The following OXR1 variants were observed in gnomAD, a reference collection of about 807,000 sequenced individuals.
OXR1 encodes the protein oxidation resistance protein 1.
In OXR1, 41 loss-of-function variants were observed where a neutral mutation model predicts 104.6. The ratio of observed to expected loss-of-function variants is 0.39; its 90% CI spans 0.31 to 0.51. OXR1 has a LOEUF of 0.51. OXR1 is among the 20% of genes least tolerant of loss of function. OXR1 has a pLI of 0.77. For missense variants in OXR1, 955 were observed against 1,031.9 expected (o/e 0.93, Z 1.02); for synonymous variants, 348 against 348.4 (o/e 1.00, Z 0.01).
At chr8:106,372,861 A>T (rs1816764797) in intron 2 of OXR1, among the ~76,000 whole-genome samples, 1 of 152,238 alleles carries the variant, frequency 6.6e-6, no homozygotes, top group Non-Finnish European at 1.5e-5. Flanking sequence ...TCATCTATAG[A>T]AACATTTTAC....
At chr8:106,470,462 A>G (rs1821426874) in intron 2 of OXR1, among the ~76,000 whole-genome samples, 1 of 151,758 alleles carries the variant, frequency 6.6e-6, no homozygotes, top group African/African-American at 2.4e-5. Flanking sequence ...TGGACTTGCC[A>G]CCAACCAAGA....
chr8:106,332,476 G>A (rs1814760470), intron 1 of OXR1, among the ~76,000 whole-genome samples: 1 of 152,140 alleles, frequency 6.6e-6, no homozygotes, highest in South Asian at 2.1e-4. Flanking sequence ...CTGATTATAG[G>A]TGAAACTAAG....
intron 7 of OXR1, among the ~76,000 whole-genome samples, chr8:106,696,897 C>T (rs1373186743): frequency 1.3e-5 from 2 of 152,162 alleles, no homozygotes; most frequent in Admixed American, 6.5e-5. Context: ...GGGAAGGCTG[C>T]CCCAGATGTG....
chr8:106,387,654 A>T (rs1472953971), intron 2 of OXR1, among the ~76,000 whole-genome samples: 3 of 152,240 alleles, frequency 2.0e-5, no homozygotes, highest in Non-Finnish European at 4.4e-5. Context: ...GGAAAATTTT[A>T]AAAATACAAA....
chr8:106,750,536 G>A (rs1422676302), intron 16 of OXR1, among the ~76,000 whole-genome samples: 1 of 151,540 alleles, frequency 6.6e-6, no homozygotes, highest in Non-Finnish European at 1.5e-5. Context: ...CTCCATGTTG[G>A]TCAGGCTGGT....
chr8:106,501,964 G>T (rs1212973258), intron 2 of OXR1, among the ~76,000 whole-genome samples: 1 of 152,114 alleles, frequency 6.6e-6, no homozygotes, highest in Non-Finnish European at 1.5e-5. Flanking sequence ...ATAGTACTTT[G>T]GGGTTAAGCT....
At chr8:106,651,741 TG>T (rs763491595) in intron 3 of OXR1, among the ~76,000 whole-genome samples, 9 of 152,146 alleles carry the variant, frequency 5.9e-5, no homozygotes, top group Non-Finnish European at 1.3e-4. Context: ...GTTGGTTCTT[TG>T]GGGTTCCTTG....
intron 1 of OXR1, among the ~76,000 whole-genome samples, chr8:106,322,623 T>C (rs1333691754): frequency 6.6e-6 from 1 of 152,172 alleles, no homozygotes; most frequent in African/African-American, 2.4e-5. Context: ...CATGATTCTA[T>C]ATCTAGAAAA....
chr8:106,466,788 C>A (rs1004259175), intron 2 of OXR1, among the ~76,000 whole-genome samples: 4 of 151,888 alleles, frequency 2.6e-5, no homozygotes, highest in South Asian at 2.1e-4. Flanking sequence ...TGTATACAGA[C>A]AATATCCTCA....
intron 2 of OXR1, among the ~76,000 whole-genome samples, chr8:106,456,408 A>T (rs2130633290): frequency 6.6e-6 from 1 of 152,318 alleles, no homozygotes; most frequent in East Asian, 1.9e-4. Context: ...TATTTATCTT[A>T]AAAAAGCATT....
At chr8:106,657,418 GTTA>G (rs1825199374) in intron 3 of OXR1, 1 of 152,202 alleles carries the variant, frequency 6.6e-6, no homozygotes, top group Non-Finnish European at 1.5e-5. Context: ...CTTTTTGACA[GTTA>G]TTTTCAGACC....
intron 7 of OXR1, 116 bp downstream of exon 7, chr8:106,692,993 G>A: frequency 1.5e-6 from 1 of 684,006 alleles, no homozygotes; most frequent in Non-Finnish European, 2.3e-6. Flanking sequence ...GAATATTATA[G>A]AAAGGTACTA....
In OXR1 at chr8:106,595,870, G is replaced by A. The variant is rs1819491547; in HGVS notation, c.220+76731G>A. ...TTTTTGGAAATGGAATCTGTAGCAT[G>A]TCTAGCTACAGGTGCAGGTCAGGGG... On this transcript the variant is annotated intron_variant, in intron 3 of 16. Coordinates refer to ENST00000517566, the MANE Select transcript of OXR1 (RefSeq NM_001198533.2). 2.0e-5 allele frequency among the ~76,000 whole-genome samples: 3 copies of A among 152,274 alleles called. No homozygotes were observed. In the South Asian group the frequency reaches 6.2e-4, roughly 32 times the overall value.
chr8:106,353,365 A>AAACAAT (rs1554626913), intron 1 of OXR1, among the ~76,000 whole-genome samples: 1 of 147,414 alleles, frequency 6.8e-6, no homozygotes, highest in Non-Finnish European at 1.5e-5. Context: ...CTCTGTCTCA[A>AAACAAT]AATAATAATA....
chr8:106,738,169 CAAGA>C (rs1189543940), intron 12 of OXR1, among the ~76,000 whole-genome samples: 1 of 151,650 alleles, frequency 6.6e-6, no homozygotes, highest in East Asian at 1.9e-4. Flanking sequence ...TTTTTAGAAA[CAAGA>C]AAGCAATGTA....
intron 7 of OXR1, among the ~76,000 whole-genome samples, chr8:106,694,912 C>CATATTTATAA (rs1342838644): frequency 3.7e-5 from 4 of 107,692 alleles, no homozygotes; most frequent in African/African-American, 1.5e-4. Flanking sequence ...TATCTATTTA[C>CATATTTATAA]ATATTTATAT....
rs1299576682 is a variant in OXR1, at chr8:106,706,493, C to A, written c.972C>A (p.Ser324Arg). 5.0e-6 allele frequency: 8 copies of A among 1,603,536 alleles called. No homozygotes were observed. The African/African-American group carries it at 1.1e-4, about 22-fold the overall frequency. ...GAGATGCAGGTAATGATAGTGCCAG[C>A]ACTGCTCCTAGGAGCACTGAGGAGT... ...RIRDAGNDSA[S>R]TAPRSTEESL... The change falls in exon 9 of 17, where the codon AGC (serine) becomes AGA (arginine). Residue 324 changes from serine to arginine, a missense_variant. Ser to Arg is a moderately radical substitution (Grantham distance 110). This residue lies in a region of OXR1 where 849 missense variants were observed against 852.9 expected (regional missense o/e 1.00). Transcript: ENST00000517566.
intron 6 of OXR1, among the ~76,000 whole-genome samples, chr8:106,688,325 A>G (rs1828943467): frequency 1.3e-5 from 2 of 152,242 alleles, no homozygotes; most frequent in Middle Eastern, 3.4e-3. Flanking sequence ...TTAAGATAAA[A>G]CATGGTATAA....
intron 2 of OXR1, among the ~76,000 whole-genome samples, chr8:106,477,709 A>G (rs886457391): frequency 2.0e-5 from 3 of 151,798 alleles, no homozygotes; most frequent in Admixed American, 2.0e-4. Context: ...TTTCCAGTAC[A>G]TTTATTTTTT....
Sources: gnomAD v4.1 joint callset for allele counts (sites outside exome capture counted in the v4.1 genomes callset) on GRCh38, gnomAD v4.1.1 for gene constraint, gnomAD v4.1.1 regional missense constraint, MANE v1.5 for transcripts, NCBI Gene and HGNC (gene_info 2026-07-23, HGNC 2026-07-21) for gene names.